The following IL1R1 variants were observed in gnomAD, a reference collection of about 807,000 sequenced individuals.
The protein encoded by IL1R1 is interleukin-1 receptor type 1.
In IL1R1, 22 loss-of-function variants were observed where a neutral mutation model predicts 50.2. The observed-to-expected ratio is 0.44, with a 90% CI of 0.31 to 0.63. The LOEUF (loss-of-function observed/expected upper bound fraction) is 0.63. Ranked by LOEUF, IL1R1 falls within the 20% of genes least tolerant of loss-of-function variation. The probability of loss-of-function intolerance (pLI) is 0.07; values close to 1 mark genes in which losing one functional copy is unlikely to be tolerated. For synonymous variants in IL1R1, 251 were observed against 236.7 expected (o/e 1.06, Z -0.55); for missense variants, 509 against 676.2 (o/e 0.75, Z 2.74).
chr2:102,140,836 G>A (rs566870344), upstream of IL1R1, among the ~76,000 whole-genome samples: 7 of 152,198 alleles, frequency 4.6e-5, no homozygotes, highest in Non-Finnish European at 8.8e-5. Context: ...GTAATAAGGT[G>A]AGAAAGAGGA....
Position 102,124,376 on chromosome 2 carries a change from C to T in IL1R1, c.-84+19504C>T, listed in dbSNP as rs149691588. On this transcript the variant is annotated intron_variant, in intron 1 of 10. Transcript: ENST00000409329. ...TGGAGGATGCAGTGAGCTGAGATTG[C>T]GCCACTGCACTCCAGCCTGGGTGAC... Among the ~76,000 whole-genome samples the T allele has an allele frequency of 7.6e-3, 1,146 of 150,696 alleles. 17 individuals are homozygous for T. Among genetic ancestry groups the T allele is most frequent in the African/African-American group, 0.025 (1,042 of 41,022 alleles).
chr2:102,085,670 G>A (rs1005808048), intron 1 of IL1R1, among the ~76,000 whole-genome samples: 1 of 151,758 alleles, frequency 6.6e-6, no homozygotes, highest in African/African-American at 2.4e-5. Context: ...TATTCCTCAA[G>A]ATTGCCATAG....
intron 1 of IL1R1, among the ~76,000 whole-genome samples, chr2:102,136,672 G>A (rs1008416161): frequency 6.6e-5 from 10 of 152,208 alleles, no homozygotes; most frequent in Non-Finnish European, 1.5e-5. Context: ...CACCGTGCCC[G>A]GCTGGATAAC....
chr2:102,082,087 T>G (rs1181905467), intron 1 of IL1R1, among the ~76,000 whole-genome samples: 3 of 152,222 alleles, frequency 2.0e-5, no homozygotes, highest in Non-Finnish European at 4.4e-5. Context: ...TGGCATTCAC[T>G]TCCAGGTTTT....
At position 102,123,150 on chromosome 2, in the gene IL1R1, G is replaced by A. The variant is rs115026043; in HGVS notation, c.-84+18278G>A. Among the ~76,000 whole-genome samples, 1,289 of 152,278 alleles carry A rather than the reference G, an allele frequency of 8.5e-3. 24 individuals are homozygous for A. In the South Asian group the frequency reaches 0.091, roughly 11 times the overall value. On this transcript the variant is annotated intron_variant, in intron 1 of 10. Transcript: ENST00000409329. Reference sequence around the variant, plus strand: ...TTTCCTTAAGGTACTTCTGCATTCCGATGCAATGTTTGTTGATTCAAAGGA... The same window carrying A: ...TTTCCTTAAGGTACTTCTGCATTCCAATGCAATGTTTGTTGATTCAAAGGA...
chr2:102,088,411 T>C (rs1679517765), intron 1 of IL1R1, among the ~76,000 whole-genome samples: 4 of 152,112 alleles, frequency 2.6e-5, no homozygotes, highest in Admixed American at 2.6e-4. Flanking sequence ...GTGATATTTT[T>C]ACAGGAATCT....
intron 3 of IL1R1, among the ~76,000 whole-genome samples, chr2:102,163,656 A>T (rs1684921031): frequency 6.6e-6 from 1 of 152,066 alleles, no homozygotes; most frequent in Non-Finnish European, 1.5e-5. Flanking sequence ...TTAATTTTTA[A>T]ATTTATTAGG....
chr2:102,115,443 T>C (rs1032526516), intron 1 of IL1R1, among the ~76,000 whole-genome samples: 1 of 152,230 alleles, frequency 6.6e-6, no homozygotes, highest in African/African-American at 2.4e-5. Flanking sequence ...GCCACTTTCA[T>C]TTATTTGGCA....
chr2:102,119,824 ACT>A (rs1681307006), intron 1 of IL1R1, among the ~76,000 whole-genome samples: 2 of 152,206 alleles, frequency 1.3e-5, no homozygotes, highest in Admixed American at 1.3e-4. Context: ...GCTAAAATCA[ACT>A]CTCTTAGCAA....
chr2:102,136,661 C>T (rs2104427917), intron 1 of IL1R1, among the ~76,000 whole-genome samples: 1 of 152,296 alleles, frequency 6.6e-6, no homozygotes. Flanking sequence ...CAGGTGTGAG[C>T]CACCGTGCCC....
At chr2:102,104,026 A>G (rs1680270779), upstream of IL1R1, among the ~76,000 whole-genome samples, 1 of 146,490 alleles carries the variant, frequency 6.8e-6, no homozygotes, top group South Asian at 2.1e-4. Context: ...GAGGCTTGGC[A>G]GCACCAGCTC....
chr2:102,075,787 T>G (rs971239406), intron 1 of IL1R1, among the ~76,000 whole-genome samples: 6 of 152,182 alleles, frequency 3.9e-5, no homozygotes, highest in South Asian at 2.1e-4. Flanking sequence ...GACAGAAGAT[T>G]TCACTGGGAG....
intron 1 of IL1R1, among the ~76,000 whole-genome samples, chr2:102,079,062 C>T (rs1369837032): frequency 1.3e-5 from 2 of 152,050 alleles, no homozygotes; most frequent in Non-Finnish European, 2.9e-5. Flanking sequence ...AAAACAACAA[C>T]AACAACAACA....
intron 1 of IL1R1, among the ~76,000 whole-genome samples, chr2:102,124,861 A>G: frequency 6.6e-6 from 1 of 152,252 alleles, no homozygotes; most frequent in South Asian, 2.1e-4. Context: ...GGTTGCAGTG[A>G]GCTGAGATTG....
At chr2:102,147,646 T>G (rs1030566786) in intron 1 of IL1R1, among the ~76,000 whole-genome samples, 5 of 151,346 alleles carry the variant, frequency 3.3e-5, no homozygotes, top group African/African-American at 4.9e-5. Flanking sequence ...AAGTCAGACT[T>G]CAACCTAGAA....
intron 1 of IL1R1, among the ~76,000 whole-genome samples, chr2:102,094,179 T>C (rs1318911539): frequency 6.6e-6 from 1 of 152,258 alleles, no homozygotes; most frequent in Non-Finnish European, 1.5e-5. Context: ...GAAATAATTC[T>C]GAGTCTTTGA....
intron 1 of IL1R1, among the ~76,000 whole-genome samples, chr2:102,107,723 T>C (rs1680500121): frequency 6.6e-6 from 1 of 152,218 alleles, no homozygotes; most frequent in African/African-American, 2.4e-5. Flanking sequence ...GGAAACCCTT[T>C]GCAAAATCTG....
At chr2:102,167,348 C>G (rs1173576348) in intron 6 of IL1R1, among the ~76,000 whole-genome samples, 1 of 151,540 alleles carries the variant, frequency 6.6e-6, no homozygotes, top group Non-Finnish European at 1.5e-5. Flanking sequence ...CATTGGGTAG[C>G]TCTGGTCTGT....
At chr2:102,086,535 C>G (rs1395276821) in intron 1 of IL1R1, among the ~76,000 whole-genome samples, 2 of 143,890 alleles carry the variant, frequency 1.4e-5, no homozygotes, top group South Asian at 4.9e-4. Context: ...GCCTTTCTCC[C>G]CCTCTTTTTT....
Sources: allele counts gnomAD v4.1 joint callset (sites outside exome capture counted in the v4.1 genomes callset), GRCh38; gene constraint gnomAD v4.1.1; transcripts MANE v1.5; gene names NCBI Gene and HGNC (gene_info 2026-07-23, HGNC 2026-07-21).